EXOC6: variants seen among roughly 807,000 people sequenced by gnomAD.
EXOC6 encodes exocyst complex component 6.
In EXOC6, 60 loss-of-function variants were observed where a neutral mutation model predicts 112.5. The observed-to-expected ratio is 0.53, with a 90% CI of 0.43 to 0.66. EXOC6 has a LOEUF of 0.66. Ranked by LOEUF, EXOC6 falls within the 30% of genes least tolerant of loss-of-function variation. The pLI, the probability that EXOC6 is intolerant of heterozygous loss-of-function variation, is 0.00. For missense variants in EXOC6, 855 were observed against 957.1 expected (o/e 0.89, Z 1.41); for synonymous variants, 295 against 308.0 (o/e 0.96, Z 0.44).
rs1240569505 is a variant in EXOC6 at position 92,946,925 on chromosome 10, ACTT to A, written c.1311-1345_1311-1343del. ...TCTTTGTCCTGTTTCTGAACCTTGT[ACTT>A]CTTGTATTGTATGTATAGCACAACA... On this transcript the variant is annotated intron_variant, in intron 13 of 21. Coordinates refer to ENST00000260762, the MANE Select transcript of EXOC6 (RefSeq NM_019053.6). Among the ~76,000 whole-genome samples the A allele has an allele frequency of 1.1e-4, 17 of 152,132 alleles. No homozygotes were observed. The East Asian group carries it at 3.3e-3, about 29-fold the overall frequency.
chr10:92,837,210 C>G (rs564897436), intron 1 of EXOC6, among the ~76,000 whole-genome samples: 1 of 151,992 alleles, frequency 6.6e-6, no homozygotes, highest in Admixed American at 6.6e-5. Context: ...GAATCCCCAT[C>G]TAGATGTGAA....
chr10:92,967,901 C>T (rs1183740140), intron 17 of EXOC6, among the ~76,000 whole-genome samples: 1 of 152,150 alleles, frequency 6.6e-6, no homozygotes, highest in African/African-American at 2.4e-5. Flanking sequence ...CTATATTCAT[C>T]TGCTTAGATT....
At chr10:92,997,907 T>G (rs1843568057) in intron 19 of EXOC6, among the ~76,000 whole-genome samples, 1 of 152,212 alleles carries the variant, frequency 6.6e-6, no homozygotes, top group Non-Finnish European at 1.5e-5. Context: ...TGCCTTTTTC[T>G]AGGACTCTCC....
At chr10:92,991,654 T>C (rs1022148101) in intron 18 of EXOC6, among the ~76,000 whole-genome samples, 1 of 152,068 alleles carries the variant, frequency 6.6e-6, no homozygotes, top group Non-Finnish European at 1.5e-5. Flanking sequence ...AAATACGCCA[T>C]GTATTATGCA....
chr10:92,897,552 G>A (rs1196534787), intron 4 of EXOC6, among the ~76,000 whole-genome samples: 1 of 152,142 alleles, frequency 6.6e-6, no homozygotes, highest in South Asian at 2.1e-4. Flanking sequence ...GAATAAGATA[G>A]GTACAAAGAT....
At chr10:92,933,774 A>G (rs1852193424) in intron 9 of EXOC6, among the ~76,000 whole-genome samples, 1 of 152,122 alleles carries the variant, frequency 6.6e-6, no homozygotes, top group Admixed American at 6.6e-5. Flanking sequence ...TGGCAGCTGG[A>G]CAGGCTGGAA....
At chr10:92,927,048 T>C (rs543005756) in intron 8 of EXOC6, among the ~76,000 whole-genome samples, 231 of 152,340 alleles carry the variant, frequency 1.5e-3, no homozygotes, top group Non-Finnish European at 2.7e-3. Context: ...TGGAAAAAGT[T>C]TCGTATAGGA....
chr10:93,038,034 C>T (rs542349376), intron 20 of EXOC6, among the ~76,000 whole-genome samples: 74 of 123,746 alleles, frequency 6.0e-4, no homozygotes, highest in Non-Finnish European at 9.4e-4. Flanking sequence ...AGCGAGACTC[C>T]GTCTCCAAAA....
chr10:92,889,004 A>G (rs546371322), intron 1 of EXOC6, among the ~76,000 whole-genome samples: 1 of 152,352 alleles, frequency 6.6e-6, no homozygotes, highest in South Asian at 2.1e-4. Context: ...TGATGTGTAT[A>G]AGAAATAAAT....
upstream of EXOC6, among the ~76,000 whole-genome samples, chr10:92,832,505 C>T (rs1042479718): frequency 3.3e-5 from 5 of 151,684 alleles, no homozygotes; most frequent in South Asian, 4.2e-4. Flanking sequence ...CATGAACTTC[C>T]GACCTCAGGT....
chr10:92,961,666 C>A (rs1854008766), intron 17 of EXOC6, among the ~76,000 whole-genome samples: 1 of 149,382 alleles, frequency 6.7e-6, no homozygotes, highest in African/African-American at 2.5e-5. Context: ...AATGTAGAGA[C>A]CTCAATCCTC....
chr10:92,936,844 A>G (rs1852371676), intron 12 of EXOC6, among the ~76,000 whole-genome samples: 1 of 152,094 alleles, frequency 6.6e-6, no homozygotes, highest in Non-Finnish European at 1.5e-5. Flanking sequence ...GAAAAATATC[A>G]CAGCGGGGGG....
chr10:92,864,963 G>C lies in EXOC6; in HGVS notation c.101+16329G>C, dbSNP rs1198967405. ...ATCCTATTAGTTTTGTTCCTTTGGA[G>C]AACCCTGACTAATTCAGAAATTATT... On this transcript the variant is annotated intron_variant, in intron 1 of 21. Coordinates refer to ENST00000260762, the MANE Select transcript of EXOC6 (RefSeq NM_019053.6). Among the ~76,000 whole-genome samples, 4 of 152,148 alleles carry C rather than the reference G, an allele frequency of 2.6e-5. No individual in the cohort carries two copies. In the East Asian group the frequency reaches 7.7e-4, roughly 29 times the overall value.
At chr10:93,022,791 T>G (rs572239802) in intron 20 of EXOC6, among the ~76,000 whole-genome samples, 1 of 126,574 alleles carries the variant, frequency 7.9e-6, no homozygotes, top group African/African-American at 2.7e-5. Context: ...TGATAAAAGT[T>G]TTTTTTTTAA....
intron 20 of EXOC6, among the ~76,000 whole-genome samples, chr10:93,027,084 C>T (rs984090286): frequency 6.6e-6 from 1 of 152,142 alleles, no homozygotes; most frequent in Non-Finnish European, 1.5e-5. Flanking sequence ...GATATGAGAG[C>T]AAAATAGCCT....
chr10:92,840,667 CTTT>C (rs572526057), intron 1 of EXOC6, among the ~76,000 whole-genome samples: 2 of 144,170 alleles, frequency 1.4e-5, no homozygotes, highest in African/African-American at 2.5e-5. Context: ...GAGTGTAGAA[CTTT>C]TTTTTTTTTT....
At chr10:92,943,273 C>T (rs1457917188) in intron 13 of EXOC6, among the ~76,000 whole-genome samples, 1 of 152,232 alleles carries the variant, frequency 6.6e-6, no homozygotes, top group East Asian at 1.9e-4. Context: ...CCGCCTTGGC[C>T]TCCTAAAGTG....
chr10:92,997,437 T>G (rs200980688), intron 18 of EXOC6, 37 bp from the exon 19 acceptor site: 182 of 1,577,090 alleles, frequency 1.2e-4, no homozygotes, highest in Non-Finnish European at 1.4e-4. Context: ...CTATGTGTGT[T>G]TATTTGTTTG....
Position 92,848,613 on chromosome 10 carries a change from C to T in EXOC6, c.80C>T (p.Ala27Val). Residue 27 changes from alanine (A) to valine (V), a missense_variant, in exon 1 of 22, where the codon GCC becomes GTC. Around this residue, in one of 2 missense-constraint regions of EXOC6, gnomAD observed 405 missense variants for 393.6 expected, o/e 1.03. Transcript: ENST00000260762. Reference sequence around the variant, plus strand: ...CAGGAGATCGAGAGCACCGACACCGCCTGTGTGGGGCCCACCCTCCGGTAA... The same window carrying T: ...CAGGAGATCGAGAGCACCGACACCGTCTGTGTGGGGCCCACCCTCCGGTAA... ...ILQEIESTDTACVGPTLRSVY... is the reference protein window; with the variant it reads ...ILQEIESTDTVCVGPTLRSVY... The T allele has an allele frequency of 6.9e-7, 1 of 1,447,424 alleles. No individual in the cohort carries two copies. The highest frequency in any genetic ancestry group is 1.2e-5 in the South Asian group (1 of 81,024). 89.7% of individuals were successfully genotyped at this position (1,447,424 alleles called of 1,614,324 possible).
Sources: allele counts gnomAD v4.1 joint callset (sites outside exome capture counted in the v4.1 genomes callset), GRCh38; gene constraint gnomAD v4.1.1; regional missense constraint gnomAD v4.1.1; transcripts MANE v1.5; gene names NCBI Gene and HGNC (gene_info 2026-07-23, HGNC 2026-07-21).